The following BAALC variants were observed in gnomAD, a reference collection of about 807,000 sequenced individuals.
BAALC encodes BAALC binder of MAP3K1 and KLF4.
Under a neutral mutation model 15.5 loss-of-function variants are expected in BAALC, and 9 were observed. That is an observed-to-expected ratio of 0.58 (90% confidence interval 0.35 to 1.02). The LOEUF (loss-of-function observed/expected upper bound fraction) is 1.02. Among genes scored for constraint, BAALC ranks in the 50% least tolerant of loss-of-function variants. BAALC has a pLI of 0.02. For missense variants in BAALC, 201 were observed against 192.4 expected (o/e 1.04, Z -0.27); for synonymous variants, 80 against 74.6 (o/e 1.07, Z -0.37).
rs528630357 is a variant in BAALC, at chr8:103,218,565, C to T, written c.327+5480C>T. 3.9e-5 allele frequency among the ~76,000 whole-genome samples: 6 copies of T among 152,004 alleles called. No homozygotes were observed. In the South Asian group the frequency reaches 1.0e-3, roughly 26 times the overall value. On this transcript the variant is annotated intron_variant, in intron 2 of 2. Transcript: ENST00000309982. ...TAGGCTTAGGACTCTTATTCCCCCC[C>T]ACCCCTTAAAATACCTCCTCAAGTA...
intron 1 of BAALC, among the ~76,000 whole-genome samples, chr8:103,198,589 T>C (rs1812146050): frequency 6.6e-6 from 1 of 152,050 alleles, no homozygotes; most frequent in South Asian, 2.1e-4. Flanking sequence ...TAGCATAACA[T>C]AGATATAATA....
chr8:103,184,626 C>T lies in BAALC; in HGVS notation c.161-28293C>T, dbSNP rs919084156. Among the ~76,000 whole-genome samples the T allele has an allele frequency of 9.2e-5, 14 of 152,350 alleles. No homozygotes were observed. In the East Asian group the frequency reaches 1.5e-3, roughly 17 times the overall value. On this transcript the variant is annotated intron_variant, in intron 1 of 2. Transcript: ENST00000309982. ...CCATGCTGCCTTGTGTTACCCTTTG[C>T]TCTCTCCCAGATAGTTCCAGAGACT...
At chr8:103,211,815 C>G (rs1461414101) in intron 1 of BAALC, among the ~76,000 whole-genome samples, 1 of 152,226 alleles carries the variant, frequency 6.6e-6, no homozygotes, top group African/African-American at 2.4e-5. Context: ...CTGCCCTTCT[C>G]TCTAGTCCCT....
chr8:103,168,818 T>C (rs796253895), intron 1 of BAALC, among the ~76,000 whole-genome samples: 1 of 152,154 alleles, frequency 6.6e-6, no homozygotes. Flanking sequence ...TTCTCTTGTT[T>C]GGCCAAGAAC....
chr8:103,181,134 G>T (rs979603382), intron 1 of BAALC, among the ~76,000 whole-genome samples: 5 of 152,096 alleles, frequency 3.3e-5, no homozygotes, highest in South Asian at 4.2e-4. Context: ...TCCCACAACG[G>T]TTCCTTCCTG....
At chr8:103,207,747 G>A (rs901637623) in intron 1 of BAALC, among the ~76,000 whole-genome samples, 33 of 152,068 alleles carry the variant, frequency 2.2e-4, no homozygotes, top group Admixed American at 1.2e-3. Flanking sequence ...CACATTTTGG[G>A]GTGGCATATT....
intron 1 of BAALC, among the ~76,000 whole-genome samples, chr8:103,168,848 T>A (rs1033046649): frequency 6.6e-6 from 1 of 152,174 alleles, no homozygotes; most frequent in Non-Finnish European, 1.5e-5. Context: ...TAGCTTTCTA[T>A]GTAAGAGGTG....
At chr8:103,156,192 C>T (rs980175445) in intron 1 of BAALC, among the ~76,000 whole-genome samples, 8 of 152,194 alleles carry the variant, frequency 5.3e-5, no homozygotes, top group African/African-American at 1.7e-4. Context: ...AGTTACTAGT[C>T]CTAGCCCTCA....
chr8:103,193,579 G>T (rs1812023580), intron 1 of BAALC, among the ~76,000 whole-genome samples: 1 of 152,186 alleles, frequency 6.6e-6, no homozygotes, highest in Non-Finnish European at 1.5e-5. Flanking sequence ...GGAGCAAATA[G>T]ATGGGAGCAA....
At chr8:103,150,347 GTGTGTC>G (rs202178024) in intron 1 of BAALC, among the ~76,000 whole-genome samples, 14 of 151,132 alleles carry the variant, frequency 9.3e-5, no homozygotes, top group South Asian at 4.2e-4. Context: ...GTGTGTGTGT[GTGTGTC>G]TGTGTGTCTG....
intron 1 of BAALC, chr8:103,153,054 T>C (rs1381350982): frequency 6.6e-6 from 1 of 152,206 alleles, no homozygotes; most frequent in Non-Finnish European, 1.5e-5. Context: ...TCAAAACTTT[T>C]AGCTTTTTAC....
chr8:103,190,449 G>A (rs751491800), intron 1 of BAALC, among the ~76,000 whole-genome samples: 3 of 151,932 alleles, frequency 2.0e-5, no homozygotes, highest in Non-Finnish European at 2.9e-5. Context: ...AGTCTCACCC[G>A]CTTTCATCCA....
chr8:103,214,281 T>C (rs1341337487), intron 2 of BAALC, among the ~76,000 whole-genome samples: 2 of 152,214 alleles, frequency 1.3e-5, no homozygotes, highest in African/African-American at 2.4e-5. Flanking sequence ...CCCAAGTTCC[T>C]GAAAAACAAC....
chr8:103,215,160 C>A (rs146149999), intron 2 of BAALC, among the ~76,000 whole-genome samples: 2 of 152,186 alleles, frequency 1.3e-5, no homozygotes, highest in African/African-American at 2.4e-5. Context: ...TCCTGCCCCC[C>A]CATCCATCAC....
chr8:103,225,115 G>C (rs570329269), intron 2 of BAALC, among the ~76,000 whole-genome samples: 3 of 152,208 alleles, frequency 2.0e-5, no homozygotes, highest in African/African-American at 7.2e-5. Flanking sequence ...CCTAGTGCCA[G>C]TTCAGGCTCA....
At chr8:103,188,666 A>G (rs1811899799) in intron 1 of BAALC, among the ~76,000 whole-genome samples, 1 of 152,234 alleles carries the variant, frequency 6.6e-6, no homozygotes, top group South Asian at 2.1e-4. Context: ...ATACACCTGC[A>G]TGTTCCTCTA....
Position 103,229,105 on chromosome 8 carries a change from T to TTGA in BAALC, c.*1009_*1011dup, listed in dbSNP as rs1812867796. The TTGA allele has an allele frequency of 6.6e-6, 1 of 152,218 alleles. No homozygotes were observed. Among genetic ancestry groups the TTGA allele is most frequent in the African/African-American group, 2.4e-5 (1 of 41,452 alleles). 9.4% of individuals were successfully genotyped at this position (152,218 alleles called of 1,614,324 possible). On this transcript the variant is annotated 3_prime_UTR_variant, in exon 3 of 3. Coordinates refer to ENST00000309982, the MANE Select transcript of BAALC (RefSeq NM_024812.3). The stretch of plus-strand genomic sequence containing the variant: ...ATCACTTTAGAAAGCCAGCACCTGG[T>TTGA]TGATGTGTATTCATACTGACATTAG...
chr8:103,177,913 C>T (rs116815341), intron 1 of BAALC, among the ~76,000 whole-genome samples: 2,258 of 152,204 alleles, frequency 0.015, 56 homozygotes, highest in African/African-American at 0.052. Context: ...AAAATCAGAG[C>T]TATTATTTTA....
chr8:103,206,541 C>A (rs1812336072), intron 1 of BAALC, among the ~76,000 whole-genome samples: 1 of 152,154 alleles, frequency 6.6e-6, no homozygotes, highest in Admixed American at 6.5e-5. Flanking sequence ...ATTGGTCAAA[C>A]CCCACTAGAA....
Sources: allele counts gnomAD v4.1 joint callset (sites outside exome capture counted in the v4.1 genomes callset), GRCh38; gene constraint gnomAD v4.1.1; transcripts MANE v1.5; gene names NCBI Gene and HGNC (gene_info 2026-07-23, HGNC 2026-07-21).